PIK3CD: variants seen among roughly 807,000 people sequenced by gnomAD.
The protein encoded by PIK3CD is phosphatidylinositol-4,5-bisphosphate 3-kinase catalytic subunit delta, also known as phosphatidylinositol 4,5-bisphosphate 3-kinase catalytic subunit delta isoform.
Under a neutral mutation model 122.9 loss-of-function variants are expected in PIK3CD, and 20 were observed. That is an observed-to-expected ratio of 0.16 (90% CI 0.11 to 0.24). The LOEUF is 0.24. Among genes scored for constraint, PIK3CD ranks in the 10% least tolerant of loss-of-function variants. The pLI is 1.00. For missense variants in PIK3CD, 787 were observed against 1,406.3 expected, an observed-to-expected ratio of 0.56 and a Z score of 7.04; for synonymous variants, 596 against 593.4, an observed-to-expected ratio of 1.00 and a Z score of -0.06.
chr1:9,640,494 C>A, the PIK3CD span, among the ~76,000 whole-genome samples: 1 of 111,962 alleles, frequency 8.9e-6, no homozygotes, highest in South Asian at 2.8e-4. Context: ...GCAGGAGAAT[C>A]GCTTGACCAG....
intron 2 of PIK3CD, among the ~76,000 whole-genome samples, chr1:9,706,973 T>C (rs1557648685): frequency 7.0e-6 from 1 of 142,190 alleles, no homozygotes; most frequent in Non-Finnish European, 1.5e-5. Flanking sequence ...CTTGGCTAAT[T>C]TTTAATTTTT....
chr1:9,648,305 T>C (rs1035560963), upstream of PIK3CD, among the ~76,000 whole-genome samples: 67 of 152,238 alleles, frequency 4.4e-4, 1 homozygote, highest in Non-Finnish European at 1.2e-4. Flanking sequence ...CATGCCTCCA[T>C]TCTCCCGGCA....
At chr1:9,725,320 G>A (rs1054867681) in intron 23 of PIK3CD, among the ~76,000 whole-genome samples, 5 of 152,180 alleles carry the variant, frequency 3.3e-5, no homozygotes, top group East Asian at 1.9e-4. Flanking sequence ...TTGGGAGGCC[G>A]AGGTGGGCGG....
intron 1 of PIK3CD, among the ~76,000 whole-genome samples, chr1:9,661,540 T>C (rs1157308803): frequency 6.6e-6 from 1 of 152,086 alleles, no homozygotes; most frequent in East Asian, 1.9e-4. Flanking sequence ...AGGTGCATGC[T>C]ACCACCCCTG....
At chr1:9,702,257 G>A (rs1381401899) in intron 2 of PIK3CD, among the ~76,000 whole-genome samples, 2 of 151,766 alleles carry the variant, frequency 1.3e-5, no homozygotes, top group Non-Finnish European at 2.9e-5. Context: ...GGCCTCCCAA[G>A]GTGCTGCCCT....
the PIK3CD span, among the ~76,000 whole-genome samples, chr1:9,635,238 G>GGCCAAGA: frequency 3.4e-5 from 5 of 145,822 alleles, no homozygotes; most frequent in Non-Finnish European, 7.4e-5. Flanking sequence ...TCTCACCACT[G>GGCCAAGA]TACTCCAGCC....
intron 2 of PIK3CD, among the ~76,000 whole-genome samples, chr1:9,702,710 G>A (rs1646693840): frequency 1.3e-5 from 2 of 150,954 alleles, no homozygotes. Flanking sequence ...TAGTAGAGAC[G>A]GGGTTTCACC....
In PIK3CD at chr1:9,723,391, G is replaced by A. The variant is rs1648998767; in HGVS notation, c.2594+99G>A. On this transcript the variant is annotated intron_variant, in intron 20 of 23. Transcript: ENST00000377346. The surrounding 1 kb of genome is among the most constrained non-coding windows in gnomAD (Gnocchi z 4.9). ...AACAAAGGAGCGGGGAGGGGCCTCA[G>A]ACCATCTTTGTGGCTACTTGGCTCA... 4 of 1,292,950 alleles carry A rather than the reference G, an allele frequency of 3.1e-6. No homozygotes were observed. The highest frequency in any genetic ancestry group is 4.5e-6 in the Non-Finnish European group (4 of 892,906). The allele number at this position is 1,292,950 out of a possible 1,614,324, so 80.1% of individuals were successfully genotyped here.
At chr1:9,649,763 C>T (rs1644638994), upstream of PIK3CD, among the ~76,000 whole-genome samples, 2 of 152,196 alleles carry the variant, frequency 1.3e-5, no homozygotes, top group Admixed American at 6.5e-5. Context: ...CCTGGGAGGG[C>T]ATGAAGCCAC....
chr1:9,661,527 T>C (rs1472579345), intron 1 of PIK3CD, among the ~76,000 whole-genome samples: 1 of 152,208 alleles, frequency 6.6e-6, no homozygotes, highest in Non-Finnish European at 1.5e-5. Context: ...TAGCCGGGAC[T>C]GTAGGTGCAT....
rs1323205733 is a variant in PIK3CD at position 9,724,813 on chromosome 1, C to T, written c.2874C>T (p.Gly958=). ...TGTCCCCTACCTGCAGGTTCCGGGG[C>T]TACTGTGAAAGGGCCTACACCATCC... ...NNSEKFERFR[G]YCERAYTILR... The change falls in exon 23 of 24, where the codon GGC becomes GGT. Residue 958 remains glycine (G), a synonymous_variant. Coordinates refer to ENST00000377346, the MANE Select transcript of PIK3CD (RefSeq NM_005026.5). This position sits in a 1 kb window ranked among gnomAD's most constrained non-coding sequence, Gnocchi z 7.3. 1 of 1,613,056 alleles carries T rather than the reference C, an allele frequency of 6.2e-7. No homozygotes were observed. The highest frequency in any genetic ancestry group is 1.3e-5 in the African/African-American group (1 of 74,900).
Position 9,726,914 on chromosome 1 carries a change from C to T in PIK3CD, c.3003C>T (p.Ser1001=), listed in dbSNP as rs760645035. 4 of 1,613,862 alleles carry T rather than the reference C, an allele frequency of 2.5e-6. No homozygotes were observed. The highest frequency in any genetic ancestry group is 3.4e-6 in the Non-Finnish European group (4 of 1,179,858). The change falls in exon 24 of 24, where the codon TCC becomes TCT. Residue 1001 remains serine (S), a synonymous_variant. Transcript: ENST00000377346. Reference sequence around the variant, plus strand: ...CCGCTGTGATTTGTTTGCAGGACTCCCTGGCACTGGGGAAAACAGAGGAGG... The same window carrying T: ...CCGCTGTGATTTGTTTGCAGGACTCTCTGGCACTGGGGAAAACAGAGGAGG... ...CSKDIQYLKD[S]LALGKTEEEA...
chr1:9,720,197 G>A lies in PIK3CD; in HGVS notation c.1425G>A (p.Leu475=). 2 of 1,611,628 alleles carry A rather than the reference G, an allele frequency of 1.2e-6. No individual in the cohort carries two copies. The highest frequency in any genetic ancestry group is 3.3e-4 in the Middle Eastern group (2 of 6,062). Residue 475 remains leucine (L), a synonymous_variant, in exon 11 of 24, where the codon CTG becomes CTA. Transcript: ENST00000377346. This position sits in a 1 kb window ranked among gnomAD's most constrained non-coding sequence, Gnocchi z 9.0. ...GCGCCGCTGCCCTGCTCATCTGCCT[G>A]CCCGAGGTGGCCCCGCACCCCGTGT... is the stretch of plus-strand genomic sequence containing the variant. The part of the protein sequence containing the change: ...TDSAAALLIC[L]PEVAPHPVYY...
intron 3 of PIK3CD, among the ~76,000 whole-genome samples, chr1:9,713,042 G>A (rs1032113074): frequency 1.3e-5 from 2 of 152,168 alleles, no homozygotes; most frequent in African/African-American, 2.4e-5. Context: ...AATTAGCCAG[G>A]TGTGGTGGTA....
the PIK3CD span, among the ~76,000 whole-genome samples, chr1:9,640,441 G>A: frequency 7.2e-5 from 11 of 151,932 alleles, no homozygotes; most frequent in Admixed American, 1.3e-4. Context: ...TTAGCTAGGC[G>A]TGGTGGTGGG....
chr1:9,722,452 T>G lies in PIK3CD; in HGVS notation c.2348-76T>G. On this transcript the variant is annotated intron_variant, in intron 18 of 23. Coordinates refer to ENST00000377346, the MANE Select transcript of PIK3CD (RefSeq NM_005026.5). This position sits in a 1 kb window ranked among gnomAD's most constrained non-coding sequence, Gnocchi z 7.6. ...GTGGAGAAGACAGAATCCTGGGACT[T>G]AAGGGCTTGGGTGTAGCTGGAAGCA... The G allele has an allele frequency of 6.5e-7, 1 of 1,544,254 alleles. No individual in the cohort carries two copies. Among genetic ancestry groups the G allele is most frequent in the South Asian group, 1.1e-5 (1 of 89,600 alleles).
chr1:9,651,548 T>A (rs1046958761), upstream of PIK3CD, among the ~76,000 whole-genome samples: 2 of 152,106 alleles, frequency 1.3e-5, no homozygotes, highest in African/African-American at 4.8e-5. Flanking sequence ...CAGAGGCACC[T>A]GGGATGATGC....
chr1:9,717,402 T>C lies in PIK3CD; in HGVS notation c.931-135T>C. ...CAGGTTTTCTGGGAAAGGATAGCAT[T>C]GTGGACAGGCCCAAACCTGGCCGCA... On this transcript the variant is annotated intron_variant, in intron 7 of 23. Coordinates refer to ENST00000377346, the MANE Select transcript of PIK3CD (RefSeq NM_005026.5). The surrounding 1 kb of genome is among the most constrained non-coding windows in gnomAD (Gnocchi z 5.4). 1 of 927,916 alleles carries C rather than the reference T, an allele frequency of 1.1e-6. No homozygotes were observed. Among genetic ancestry groups the C allele is most frequent in the Non-Finnish European group, 1.7e-6 (1 of 578,658 alleles). The allele number at this position is 927,916 out of a possible 1,614,324, so 57.5% of individuals were successfully genotyped here. A position where few individuals can be genotyped will look rare whatever the true frequency, so the allele number is the denominator to read the frequency against.
intron 1 of PIK3CD, among the ~76,000 whole-genome samples, chr1:9,658,024 A>C (rs1205286708): frequency 1.3e-5 from 2 of 152,126 alleles, no homozygotes; most frequent in East Asian, 3.9e-4. Flanking sequence ...GTTGGTCATG[A>C]AATCTGGAAG....
Sources: gnomAD v4.1 joint callset for allele counts (sites outside exome capture counted in the v4.1 genomes callset) on GRCh38, gnomAD v4.1.1 for gene constraint, Gnocchi (gnomAD v3.1) non-coding constraint, MANE v1.5 for transcripts, NCBI Gene and HGNC (gene_info 2026-07-23, HGNC 2026-07-21) for gene names.